The following LRRC72 variants were observed in gnomAD, a reference collection of about 807,000 sequenced individuals.
LRRC72 encodes leucine rich repeat containing 72, also known as leucine-rich repeat-containing protein 72.
A neutral mutation model predicts 35.8 loss-of-function variants in LRRC72; 41 were observed. The ratio of observed to expected loss-of-function variants is 1.15; its 90% CI spans 0.89 to 1.49. LRRC72 has a LOEUF of 1.49. Among genes scored for constraint, LRRC72 ranks in the 40% most tolerant of loss-of-function variants. The pLI is 0.00. For missense variants in LRRC72, 389 were observed against 330.7 expected, an observed-to-expected ratio of 1.18 and a Z score of -1.37; for synonymous variants, 118 against 119.2, an observed-to-expected ratio of 0.99 and a Z score of 0.07.
intron 5 of LRRC72, among the ~76,000 whole-genome samples, chr7:16,561,553 C>A (rs1782744054): frequency 1.3e-5 from 2 of 152,114 alleles, no homozygotes; most frequent in South Asian, 4.2e-4. Context: ...AGTACAATGT[C>A]CATATCATTA....
In LRRC72 at chr7:16,580,517, G is replaced by A. The variant is rs1007909324; in HGVS notation, c.698+416G>A. 8.5e-5 allele frequency among the ~76,000 whole-genome samples: 13 copies of A among 152,138 alleles called. 1 individual carries two copies. The highest frequency in any genetic ancestry group is 4.2e-4 in the South Asian group (2 of 4,812). ...ATATTGGCCTGGCATGGTGGCAGGC[G>A]CCTATAATCCCAGCTACTCAGGAGA... is the stretch of plus-strand genomic sequence containing the variant. On this transcript the variant is annotated intron_variant, in intron 8 of 8. Coordinates refer to ENST00000401542, the MANE Select transcript of LRRC72 (RefSeq NM_001195280.2).
chr7:16,558,276 C>T (rs370487224), intron 4 of LRRC72, among the ~76,000 whole-genome samples: 3 of 152,142 alleles, frequency 2.0e-5, no homozygotes, highest in African/African-American at 4.8e-5. Context: ...ATAACCCCTC[C>T]AAAATCAATC....
At chr7:16,528,563 C>T (rs912210660) in intron 1 of LRRC72, among the ~76,000 whole-genome samples, 1 of 152,136 alleles carries the variant, frequency 6.6e-6, no homozygotes, top group Non-Finnish European at 1.5e-5. Flanking sequence ...CCTAAACACA[C>T]CCCATGTCAT....
At chr7:16,536,337 T>C (rs777400421) in intron 2 of LRRC72, among the ~76,000 whole-genome samples, 11 of 152,104 alleles carry the variant, frequency 7.2e-5, no homozygotes, top group Admixed American at 1.3e-4. Flanking sequence ...TGAACATGAA[T>C]GGCATATTAG....
chr7:16,536,218 C>G (rs1022542686), intron 2 of LRRC72, among the ~76,000 whole-genome samples: 2 of 152,018 alleles, frequency 1.3e-5, no homozygotes, highest in Admixed American at 6.6e-5. Flanking sequence ...AGATGATTAC[C>G]TTTAAAAAGA....
intron 2 of LRRC72, 37 bp downstream of exon 2, chr7:16,532,605 T>A: frequency 7.3e-7 from 1 of 1,377,902 alleles, no homozygotes; most frequent in Non-Finnish European, 1.0e-6. Context: ...AAGAGTATCA[T>A]GTTATCATGA....
At chr7:16,532,599 GT>G in intron 2 of LRRC72, 31 bp downstream of exon 2, 1 of 1,414,254 alleles carries the variant, frequency 7.1e-7, no homozygotes, top group Non-Finnish European at 9.8e-7. Flanking sequence ...AAATGAAAGA[GT>G]ATCATGTTAT....
intron 3 of LRRC72, among the ~76,000 whole-genome samples, chr7:16,547,997 G>A (rs534892111): frequency 3.7e-4 from 57 of 152,318 alleles, no homozygotes; most frequent in African/African-American, 1.2e-3. Flanking sequence ...GGGCCTGCCC[G>A]TGGCTGCCCA....
At chr7:16,552,762 G>A (rs542893317) in intron 3 of LRRC72, among the ~76,000 whole-genome samples, 9 of 152,272 alleles carry the variant, frequency 5.9e-5, no homozygotes, top group South Asian at 2.1e-4. Flanking sequence ...GATCAGGTAG[G>A]TAGAACAAGG....
chr7:16,548,682 A>C lies in LRRC72; in HGVS notation c.235-8678A>C, dbSNP rs372551794. 1.4e-4 allele frequency among the ~76,000 whole-genome samples: 22 copies of C among 152,222 alleles called. No homozygotes were observed. In the East Asian group the frequency reaches 2.5e-3, roughly 17 times the overall value. ...CCCCTCAGTGCTCTGTGCCTGGCTC[A>C]CTCTTGACAGGCATGGGATCCAAGC... On this transcript the variant is annotated intron_variant, in intron 3 of 8. Coordinates refer to ENST00000401542, the MANE Select transcript of LRRC72 (RefSeq NM_001195280.2).
In LRRC72 at chr7:16,569,339, T is replaced by C. The variant is rs58064276; in HGVS notation, c.670+1796T>C. ...TACTCAGGAAGCTGAGGCAGGAGAA[T>C]CACTTGAACCTGGGAGGCGGAGGTT... is the stretch of plus-strand genomic sequence containing the variant. On this transcript the variant is annotated intron_variant, in intron 7 of 8. Coordinates refer to ENST00000401542, the MANE Select transcript of LRRC72 (RefSeq NM_001195280.2). Among the ~76,000 whole-genome samples the C allele has an allele frequency of 6.7e-3, 1,020 of 152,084 alleles. 9 individuals carry two copies. Among genetic ancestry groups the C allele is most frequent in the African/African-American group, 0.024 (976 of 41,484 alleles).
intron 7 of LRRC72, among the ~76,000 whole-genome samples, chr7:16,570,227 A>G (rs1782920448): frequency 6.6e-6 from 1 of 152,214 alleles, no homozygotes; most frequent in Non-Finnish European, 1.5e-5. Flanking sequence ...ATGTGTGCAT[A>G]CATGAGAAAT....
intron 6 of LRRC72, 24 bp downstream of exon 6, chr7:16,566,426 A>G (rs766373438): frequency 2.6e-5 from 38 of 1,484,170 alleles, no homozygotes; most frequent in Non-Finnish European, 3.5e-5. Flanking sequence ...CTTCTTGCAA[A>G]GAAATATTTG....
chr7:16,545,236 G>T (rs1782425414), intron 3 of LRRC72, among the ~76,000 whole-genome samples: 1 of 152,168 alleles, frequency 6.6e-6, no homozygotes, highest in Non-Finnish European at 1.5e-5. Context: ...CTTCGATACT[G>T]TTATGATTTC....
intron 7 of LRRC72, among the ~76,000 whole-genome samples, chr7:16,578,721 T>A (rs1783089075): frequency 6.6e-6 from 1 of 152,220 alleles, no homozygotes; most frequent in Non-Finnish European, 1.5e-5. Context: ...TACTCACTAT[T>A]TTCTTTATTG....
intron 7 of LRRC72, among the ~76,000 whole-genome samples, chr7:16,579,199 G>T (rs1015425035): frequency 1.3e-5 from 2 of 152,120 alleles, no homozygotes; most frequent in African/African-American, 4.8e-5. Context: ...CAATGAATAC[G>T]TATATTAAAA....
intron 2 of LRRC72, among the ~76,000 whole-genome samples, chr7:16,533,756 C>T (rs796933769): frequency 5.9e-5 from 9 of 152,042 alleles, no homozygotes; most frequent in African/African-American, 2.2e-4. Context: ...AAATTGATAA[C>T]CAGTTTGAAA....
chr7:16,573,736 G>C (rs1346140357), intron 7 of LRRC72, among the ~76,000 whole-genome samples: 1 of 152,178 alleles, frequency 6.6e-6, no homozygotes, highest in African/African-American at 2.4e-5. Flanking sequence ...TCAGGACATA[G>C]GCATGGGCAA....
intron 7 of LRRC72, among the ~76,000 whole-genome samples, chr7:16,575,865 A>G (rs569022): frequency 0.28 from 42,754 of 151,950 alleles, 6,296 homozygotes; most frequent in South Asian, 0.44. Flanking sequence ...CCCACAATCT[A>G]TTTTTCAGTG....
Sources: allele counts gnomAD v4.1 joint callset (sites outside exome capture counted in the v4.1 genomes callset), GRCh38; gene constraint gnomAD v4.1.1; transcripts MANE v1.5; gene names NCBI Gene and HGNC (gene_info 2026-07-23, HGNC 2026-07-21).